SOX5: variants seen among roughly 807,000 people sequenced by gnomAD.
The protein encoded by SOX5 is transcription factor SOX-5.
SOX5 carries 9 observed loss-of-function variants against 92.0 expected under a neutral mutation model. That is an observed-to-expected ratio of 0.10 (90% CI 0.06 to 0.17). SOX5 has a LOEUF of 0.17. SOX5 is among the 10% of genes least tolerant of loss of function. SOX5 has a pLI of 1.00. For synonymous variants in SOX5, 344 were observed against 336.3 expected (o/e 1.02, Z -0.25); for missense variants, 642 against 944.5 (o/e 0.68, Z 4.20).
chr12:24,174,526 A>G (rs1173069331), intron 4 of SOX5, among the ~76,000 whole-genome samples: 1 of 152,056 alleles, frequency 6.6e-6, no homozygotes, highest in East Asian at 1.9e-4. Flanking sequence ...GGGGGAACCC[A>G]CAAAACAAAA....
chr12:24,199,984 G>T (rs766791158), intron 4 of SOX5, among the ~76,000 whole-genome samples: 1 of 152,036 alleles, frequency 6.6e-6, no homozygotes, highest in Non-Finnish European at 1.5e-5. Flanking sequence ...AATAGATAAA[G>T]GATATTATTC....
intron 9 of SOX5, among the ~76,000 whole-genome samples, chr12:23,581,116 T>C (rs1949981075): frequency 6.6e-6 from 1 of 152,042 alleles, no homozygotes; most frequent in African/African-American, 2.4e-5. Flanking sequence ...AAACATAATT[T>C]AACAAACAAA....
intron 6 of SOX5, among the ~76,000 whole-genome samples, chr12:23,733,989 G>A (rs746710192): frequency 3.3e-5 from 5 of 152,142 alleles, no homozygotes; most frequent in Non-Finnish European, 7.3e-5. Flanking sequence ...TATGAAGTAA[G>A]TGCTGTTCAG....
rs777359000 is a variant in SOX5 at position 23,563,358 on chromosome 12, G to A, written c.1388C>T (p.Ala463Val). 6.2e-7 allele frequency: 1 copy of A among 1,613,978 alleles called. No homozygotes were observed. The highest frequency in any genetic ancestry group is 8.5e-7 in the Non-Finnish European group (1 of 1,179,892). Residue 463 changes from alanine (A) to valine (V), a missense_variant, in exon 11 of 15, where the codon GCT (alanine) becomes GTT (valine). Around this residue, in one of 8 missense-constraint regions of SOX5, gnomAD observed 324 missense variants for 461.6 expected, o/e 0.70. Coordinates refer to ENST00000451604, the MANE Select transcript of SOX5 (RefSeq NM_006940.6). Reference sequence around the variant, plus strand: ...TCGGAGTTGCTCCTTCATTTGCCGAGCTTCTTGGATTGCCTTGGTGACAGC... The same window carrying A: ...TCGGAGTTGCTCCTTCATTTGCCGAACTTCTTGGATTGCCTTGGTGACAGC... ...HDAVTKAIQE[A>V]RQMKEQLRRE... is the part of the protein sequence containing the mutation.
chr12:23,939,391 TTATATC>T (rs1279979250), intron 1 of SOX5, among the ~76,000 whole-genome samples: 1 of 150,912 alleles, frequency 6.6e-6, no homozygotes, highest in Non-Finnish European at 1.5e-5. Flanking sequence ...TTTTCAACAT[TTATATC>T]TATAGAAGGA....
At chr12:23,819,544 A>T (rs2142694541) in intron 3 of SOX5, among the ~76,000 whole-genome samples, 1 of 152,236 alleles carries the variant, frequency 6.6e-6, no homozygotes, top group East Asian at 1.9e-4. Flanking sequence ...CGTGATCTAC[A>T]TTAGGTATTT....
chr12:23,564,231 T>C (rs1398781375), intron 10 of SOX5, among the ~76,000 whole-genome samples: 1 of 152,220 alleles, frequency 6.6e-6, no homozygotes, highest in Non-Finnish European at 1.5e-5. Flanking sequence ...TTACTTAATT[T>C]TATTTTTAAC....
chr12:24,445,555 T>A (rs1046405644), intron 1 of SOX5, among the ~76,000 whole-genome samples: 1 of 152,214 alleles, frequency 6.6e-6, no homozygotes, highest in Non-Finnish European at 1.5e-5. Flanking sequence ...TTTTATTATA[T>A]CTTAGCTTGG....
chr12:24,045,448 C>T (rs575482637), intron 4 of SOX5, among the ~76,000 whole-genome samples: 1 of 152,234 alleles, frequency 6.6e-6, no homozygotes, highest in South Asian at 2.1e-4. Flanking sequence ...CAGGTGTGTG[C>T]CACTACGCCC....
chr12:24,232,842 T>C (rs996027746), intron 3 of SOX5, among the ~76,000 whole-genome samples: 1 of 152,142 alleles, frequency 6.6e-6, no homozygotes, highest in Non-Finnish European at 1.5e-5. Context: ...CCATATAATA[T>C]CCATATTTCC....
At chr12:24,164,359 T>G (rs1193824451) in intron 4 of SOX5, among the ~76,000 whole-genome samples, 3 of 152,086 alleles carry the variant, frequency 2.0e-5, no homozygotes, top group Non-Finnish European at 4.4e-5. Flanking sequence ...CCTTTTTAAT[T>G]AAGAAAGCTC....
chr12:24,347,197 T>C (rs1455717043), intron 2 of SOX5, among the ~76,000 whole-genome samples: 1 of 152,224 alleles, frequency 6.6e-6, no homozygotes, highest in Non-Finnish European at 1.5e-5. Flanking sequence ...AAGTACTAAG[T>C]TGAATCCATG....
intron 2 of SOX5, among the ~76,000 whole-genome samples, chr12:23,871,843 C>T (rs2096875620): frequency 1.3e-5 from 2 of 152,052 alleles, no homozygotes; most frequent in Non-Finnish European, 2.9e-5. Flanking sequence ...GGCACTGTGC[C>T]TACAGTTCTT....
chr12:24,540,950 TC>T (rs1248353120), intron 1 of SOX5, among the ~76,000 whole-genome samples: 1 of 152,184 alleles, frequency 6.6e-6, no homozygotes, highest in Non-Finnish European at 1.5e-5. Context: ...TTGCAAAATA[TC>T]ATATATAATA....
At chr12:23,641,592 G>A (rs1009077292) in intron 7 of SOX5, among the ~76,000 whole-genome samples, 1 of 152,060 alleles carries the variant, frequency 6.6e-6, no homozygotes, top group African/African-American at 2.4e-5. Flanking sequence ...TATATGACCT[G>A]TAAAAATATA....
chr12:23,965,041 A>G (rs1488275012), intron 4 of SOX5, among the ~76,000 whole-genome samples: 1 of 152,214 alleles, frequency 6.6e-6, no homozygotes, highest in African/African-American at 2.4e-5. Context: ...GCGCGTGGTC[A>G]GCTCCCAGCA....
intron 1 of SOX5, among the ~76,000 whole-genome samples, chr12:24,410,948 T>A (rs1199412101): frequency 6.6e-6 from 1 of 152,192 alleles, no homozygotes; most frequent in South Asian, 2.1e-4. Flanking sequence ...TCCATGAACA[T>A]GATAGAGCTA....
intron 2 of SOX5, among the ~76,000 whole-genome samples, chr12:24,358,184 C>A (rs1955097076): frequency 6.6e-6 from 1 of 152,102 alleles, no homozygotes; most frequent in African/African-American, 2.4e-5. Context: ...TGAAAATCAC[C>A]AATAAAACAG....
At chr12:24,276,077 T>G (rs1158206241) in intron 3 of SOX5, among the ~76,000 whole-genome samples, 1 of 152,148 alleles carries the variant, frequency 6.6e-6, no homozygotes, top group Non-Finnish European at 1.5e-5. Context: ...GTAGTCTCAG[T>G]TTGTCATTTG....
Sources: gnomAD v4.1 joint callset for allele counts (sites outside exome capture counted in the v4.1 genomes callset) on GRCh38, gnomAD v4.1.1 for gene constraint, gnomAD v4.1.1 regional missense constraint, MANE v1.5 for transcripts, NCBI Gene and HGNC (gene_info 2026-07-23, HGNC 2026-07-21) for gene names.